The following GRK4 variants were observed in gnomAD, a reference collection of about 807,000 sequenced individuals.
GRK4 encodes the protein G protein-coupled receptor kinase 4, also known as G protein-coupled receptor kinase 2-like.
GRK4 carries 73 observed loss-of-function variants against 77.9 expected under a neutral mutation model. The ratio of observed to expected loss-of-function variants is 0.94; its 90% CI spans 0.78 to 1.14. The LOEUF (loss-of-function observed/expected upper bound fraction) is 1.14, where lower values mean the gene tolerates loss of function less well. Among genes scored for constraint, GRK4 ranks in the 50% most tolerant of loss-of-function variants. The probability of loss-of-function intolerance (pLI) is 0.00; values close to 1 mark genes in which losing one functional copy is unlikely to be tolerated. For synonymous variants in GRK4, 257 were observed against 254.4 expected (o/e 1.01, Z -0.10); for missense variants, 729 against 700.2 (o/e 1.04, Z -0.46).
chr4:2,980,711 A>T (rs1249210065), intron 1 of GRK4, among the ~76,000 whole-genome samples: 2 of 152,112 alleles, frequency 1.3e-5, no homozygotes, highest in African/African-American at 4.8e-5. Context: ...ACCCGTGAAC[A>T]CAAACCCACT....
In GRK4 at chr4:2,988,075, C is replaced by CAAAAAAAAAA. The variant is rs67664476; in HGVS notation, c.149-637_149-628dup. Among the ~76,000 whole-genome samples the CAAAAAAAAAA allele has an allele frequency of 4.3e-3, 146 of 33,658 alleles. 8 individuals carry two copies. Among genetic ancestry groups the CAAAAAAAAAA allele is most frequent in the African/African-American group, 0.013 (114 of 8,678 alleles). 22.1% of individuals were successfully genotyped at this position (33,658 alleles called of 152,430 possible). On this transcript the variant is annotated intron_variant, in intron 2 of 15. Transcript: ENST00000398052. ...TGGATGACAGAGTGAGGCTCTGTCT[C>CAAAAAAAAAA]AAAAAAAAAAAAAAAAAAAAAAAAG...
intron 3 of GRK4, among the ~76,000 whole-genome samples, chr4:2,989,724 A>C (rs1400548243): frequency 2.6e-5 from 4 of 152,382 alleles, no homozygotes; most frequent in African/African-American, 9.6e-5. Context: ...TTGTGTAAGA[A>C]GAATGATCAC....
chr4:3,023,203 C>T (rs1736550684), intron 10 of GRK4, among the ~76,000 whole-genome samples: 1 of 152,174 alleles, frequency 6.6e-6, no homozygotes. Context: ...GGGAGTGGCC[C>T]TTTTCAGCAG....
intron 8 of GRK4, among the ~76,000 whole-genome samples, chr4:3,017,053 C>T (rs1384014486): frequency 2.6e-5 from 4 of 152,256 alleles, no homozygotes; most frequent in African/African-American, 4.8e-5. Context: ...CCTGCACCCT[C>T]GCCCCTCACA....
intron 8 of GRK4, among the ~76,000 whole-genome samples, chr4:3,017,791 ATG>A (rs1734957741): frequency 6.6e-6 from 1 of 152,248 alleles, no homozygotes; most frequent in African/African-American, 2.4e-5. Flanking sequence ...ATAGAAGCTA[ATG>A]CCCAGTCATG....
Position 3,013,709 on chromosome 4 carries a change from G to T in GRK4, c.622G>T (p.Ala208Ser). ...CTAGGTTTGCGCCTGTCAAGTGCGAGCCACAGGAAAAATGTATGCCTGCAA... is the reference window on the plus strand; with the variant it reads ...CTAGGTTTGCGCCTGTCAAGTGCGATCCACAGGAAAAATGTATGCCTGCAA... ...FGEVCACQVR[A>S]TGKMYACKKL... Residue 208 changes from alanine (A) to serine (S), a missense_variant, in exon 8 of 16, where the codon GCC becomes TCC. Physicochemically the swap from Ala to Ser is moderately conservative, Grantham distance 99 (BLOSUM62 1). Transcript: ENST00000398052. 4 of 1,612,028 alleles carry T rather than the reference G, an allele frequency of 2.5e-6. No homozygotes were observed. The highest frequency in any genetic ancestry group is 3.4e-6 in the Non-Finnish European group (4 of 1,179,368).
chr4:3,022,215 T>C (rs1035063748), intron 9 of GRK4, among the ~76,000 whole-genome samples, 199 bp from the exon 10 acceptor site: 1 of 152,260 alleles, frequency 6.6e-6, no homozygotes, highest in African/African-American at 2.4e-5. Context: ...AAGTTCATTT[T>C]ACACTGTCGT....
intron 8 of GRK4, among the ~76,000 whole-genome samples, chr4:3,016,110 T>A (rs1340717923): frequency 2.0e-5 from 3 of 150,518 alleles, no homozygotes; most frequent in African/African-American, 7.3e-5. Context: ...GGGTTTCACT[T>A]TGTTGGCCAG....
At chr4:3,040,058 C>T (rs1741965269) in intron 15 of GRK4, among the ~76,000 whole-genome samples, 1 of 152,184 alleles carries the variant, frequency 6.6e-6, no homozygotes, top group African/African-American at 2.4e-5. Context: ...AACTTACCTG[C>T]TGCATTTCCT....
rs1296615524 is a variant in GRK4, at chr4:2,997,946, C to A, written c.339+5654C>A. Reference sequence around the variant, plus strand: ...AAAAAGTAAAAGACTATATGCTTTCCTTTAAGATTAGGAACAAGACAAGAT... The same window carrying A: ...AAAAAGTAAAAGACTATATGCTTTCATTTAAGATTAGGAACAAGACAAGAT... On this transcript the variant is annotated intron_variant, in intron 4 of 15. Transcript: ENST00000398052. 2.0e-5 allele frequency among the ~76,000 whole-genome samples: 3 copies of A among 151,780 alleles called. No homozygotes were observed. The East Asian group carries it at 5.8e-4, about 29-fold the overall frequency.
intron 11 of GRK4, among the ~76,000 whole-genome samples, chr4:3,028,205 G>C (rs1191875839): frequency 6.6e-6 from 1 of 152,186 alleles, no homozygotes; most frequent in Non-Finnish European, 1.5e-5. Flanking sequence ...TTACAGATGA[G>C]GGGTGAGGCC....
chr4:2,993,003 A>T (rs551007668), intron 4 of GRK4, among the ~76,000 whole-genome samples: 3 of 152,166 alleles, frequency 2.0e-5, no homozygotes, highest in Admixed American at 6.5e-5. Context: ...TCCCAACATC[A>T]ATTAATTAAT....
At position 3,039,444 on chromosome 4, in the gene GRK4, T is replaced by A. The variant is rs775933789; in HGVS notation, c.1683+931T>A. Among the ~76,000 whole-genome samples, 9 of 152,150 alleles carry A rather than the reference T, an allele frequency of 5.9e-5. No homozygotes were observed. The East Asian group carries it at 1.7e-3, about 30-fold the overall frequency. The stretch of plus-strand genomic sequence containing the variant: ...TAGGCGTGGTGGCTCACGCCTGTAA[T>A]CCCAGCACTTTGGGAGGCTGAGGAG... On this transcript the variant is annotated intron_variant, in intron 15 of 15. Coordinates refer to ENST00000398052, the MANE Select transcript of GRK4 (RefSeq NM_182982.3).
At chr4:2,983,149 CA>C (rs899299190) in intron 1 of GRK4, among the ~76,000 whole-genome samples, 2 of 152,166 alleles carry the variant, frequency 1.3e-5, no homozygotes, top group Admixed American at 1.3e-4. Context: ...TTGCAGATAT[CA>C]AGTCTGTATC....
chr4:3,036,117 G>A (rs1171146795), intron 13 of GRK4, among the ~76,000 whole-genome samples: 2 of 152,216 alleles, frequency 1.3e-5, no homozygotes, highest in Non-Finnish European at 2.9e-5. Flanking sequence ...CACTACGCCT[G>A]GCCACCCGTG....
intron 8 of GRK4, among the ~76,000 whole-genome samples, chr4:3,018,365 GAAACATCAA>G (rs987366520): frequency 2.6e-5 from 4 of 152,120 alleles, no homozygotes; most frequent in Non-Finnish European, 5.9e-5. Context: ...ATGGCATCAA[GAAACATCAA>G]AATCTAAGAA....
intron 9 of GRK4, 47 bp from the exon 10 acceptor site, chr4:3,022,367 A>G (rs2109996900): frequency 6.3e-7 from 1 of 1,594,274 alleles, no homozygotes; most frequent in Non-Finnish European, 8.6e-7. Flanking sequence ...CAGGAATCAC[A>G]GTGCCAACTT....
At position 3,029,421 on chromosome 4, in the gene GRK4, T is replaced by C. The variant is rs1207353916; in HGVS notation, c.1269+12T>C. The C allele has an allele frequency of 6.2e-7, 1 of 1,606,182 alleles. No individual in the cohort carries two copies. The highest frequency in any genetic ancestry group is 8.5e-7 in the Non-Finnish European group (1 of 1,173,222). ...CTATCTGCAGGATGGTAAGTCAGGCTCTGTAGAGGCTGGGAAATGGCACTT... is the reference window on the plus strand; with the variant it reads ...CTATCTGCAGGATGGTAAGTCAGGCCCTGTAGAGGCTGGGAAATGGCACTT... On this transcript the variant is annotated intron_variant, in intron 12 of 15. Transcript: ENST00000398052.
At chr4:2,969,618 C>T (rs192890780) in intron 1 of GRK4, among the ~76,000 whole-genome samples, 63 of 151,952 alleles carry the variant, frequency 4.1e-4, no homozygotes, top group Admixed American at 2.8e-3. Context: ...TCAGGTGATC[C>T]GCCCACCTCG....
Sources: gnomAD v4.1 joint callset for allele counts (sites outside exome capture counted in the v4.1 genomes callset) on GRCh38, gnomAD v4.1.1 for gene constraint, MANE v1.5 for transcripts, NCBI Gene and HGNC (gene_info 2026-07-23, HGNC 2026-07-21) for gene names.